The following ERP44 variants were observed in gnomAD, a reference collection of about 807,000 sequenced individuals.
ERP44 encodes the protein endoplasmic reticulum protein 44.
ERP44 carries 25 observed loss-of-function variants against 53.4 expected under a neutral mutation model. The observed-to-expected ratio is 0.47, with a 90% confidence interval of 0.34 to 0.65. The LOEUF (loss-of-function observed/expected upper bound fraction) is 0.65, where lower values mean the gene tolerates loss of function less well. Ranked by LOEUF, ERP44 falls within the 30% of genes least tolerant of loss-of-function variation. The pLI is 0.01. For missense variants in ERP44, 338 were observed against 493.2 expected, an observed-to-expected ratio of 0.69 and a Z score of 2.98; for synonymous variants, 145 against 161.2, an observed-to-expected ratio of 0.90 and a Z score of 0.76.
At chr9:100,063,762 T>C (rs1416753177) in intron 1 of ERP44, among the ~76,000 whole-genome samples, 6 of 152,242 alleles carry the variant, frequency 3.9e-5, no homozygotes, top group Non-Finnish European at 7.3e-5. Context: ...GGAAGTATTT[T>C]ACAACTTGGT....
Position 99,999,196 on chromosome 9 carries a change from C to T in ERP44, c.1016+7310G>A, listed in dbSNP as rs1265927768. 7 of 481,814 alleles carry T rather than the reference C, an allele frequency of 1.5e-5. No homozygotes were observed. The Admixed American group carries it at 2.2e-4, about 15-fold the overall frequency. The allele number at this position is 481,814 out of a possible 1,614,324, so 29.8% of individuals were successfully genotyped here. A position where few individuals can be genotyped will look rare whatever the true frequency, so the allele number is the denominator to read the frequency against. ...TGTCCCCCGCCCCTCCCCCTCCGCT[C>T]AAGGCCGTCCTCTCGATGTTGATCA... is the stretch of plus-strand genomic sequence containing the variant. On this transcript the variant is annotated intron_variant, in intron 10 of 11. Transcript: ENST00000262455.
intron 1 of ERP44, among the ~76,000 whole-genome samples, chr9:100,089,831 AG>A (rs1268367232): frequency 1.3e-5 from 2 of 152,164 alleles, no homozygotes; most frequent in Non-Finnish European, 2.9e-5. Context: ...TGTATGTATA[AG>A]AAAAAACATA....
chr9:100,002,610 C>A (rs1374971728), intron 10 of ERP44, among the ~76,000 whole-genome samples: 1 of 152,184 alleles, frequency 6.6e-6, no homozygotes, highest in East Asian at 1.9e-4. Flanking sequence ...TATAAGGATT[C>A]TGATGAGAAA....
chr9:99,984,413 TA>T (rs200813688), intron 11 of ERP44, among the ~76,000 whole-genome samples: 30 of 150,678 alleles, frequency 2.0e-4, no homozygotes, highest in African/African-American at 5.1e-4. Context: ...AATTCTCAGG[TA>T]AAAAAAAACA....
intron 10 of ERP44, among the ~76,000 whole-genome samples, chr9:100,003,786 G>A (rs1414733269): frequency 6.6e-6 from 1 of 151,488 alleles, no homozygotes; most frequent in African/African-American, 2.4e-5. Context: ...GGTCCACTGG[G>A]ATAGGCTGAG....
At chr9:100,064,164 T>G (rs1417619658) in intron 1 of ERP44, among the ~76,000 whole-genome samples, 3 of 152,232 alleles carry the variant, frequency 2.0e-5, no homozygotes, top group Non-Finnish European at 4.4e-5. Flanking sequence ...CTTAAATTAG[T>G]TATTTGCACT....
chr9:100,017,695 A>C (rs1287191135), intron 7 of ERP44, among the ~76,000 whole-genome samples: 2 of 152,220 alleles, frequency 1.3e-5, no homozygotes, highest in Non-Finnish European at 2.9e-5. Context: ...AAAAAATTGC[A>C]ATGGCAGACG....
Position 100,052,462 on chromosome 9 carries a change from T to C in ERP44, c.241A>G (p.Asn81Asp). 6.2e-7 allele frequency: 1 copy of C among 1,612,692 alleles called. No homozygotes were observed. Among genetic ancestry groups the C allele is most frequent in the Non-Finnish European group, 8.5e-7 (1 of 1,179,376 alleles). ...CTGGCAAACACTACTTGATTTTCAT[T>C]TGGAAATTCTTCCTTAATGACATCG... ...ASDVIKEEFP[N>D]ENQVVFARVD... is the part of the protein sequence containing the mutation. Residue 81 changes from asparagine (N) to aspartate (D), a missense_variant, in exon 4 of 12, where the codon AAT becomes GAT. Asn to Asp is a conservative substitution (Grantham distance 23, BLOSUM62 1). Around this residue, in one of 3 missense-constraint regions of ERP44, gnomAD observed 224 missense variants for 301.4 expected, o/e 0.74. Coordinates refer to ENST00000262455, the MANE Select transcript of ERP44 (RefSeq NM_015051.3).
At chr9:99,986,569 G>A (rs530839206) in intron 10 of ERP44, among the ~76,000 whole-genome samples, 1 of 152,114 alleles carries the variant, frequency 6.6e-6, no homozygotes, top group South Asian at 2.1e-4. Flanking sequence ...TAGCTGGCTT[G>A]TAGTTAATAT....
At position 100,052,431 on chromosome 9, in the gene ERP44, T is replaced by C; in HGVS notation, c.272A>G (p.Asp91Gly). ...NENQVVFARV[D>G]CDQHSDIAQR... ...GAGGTACTTACAGTGCTGATCACAATCAACTCTGGCAAACACTACTTGATT... is the reference window on the plus strand; with the variant it reads ...GAGGTACTTACAGTGCTGATCACAACCAACTCTGGCAAACACTACTTGATT... The change falls in exon 4 of 12, where the codon GAT becomes GGT. Residue 91 changes from aspartate to glycine, a missense_variant. Asp to Gly is a moderately conservative substitution (Grantham distance 94, BLOSUM62 -1). Transcript: ENST00000262455. 1 of 1,609,100 alleles carries C rather than the reference T, an allele frequency of 6.2e-7. No homozygotes were observed.
In ERP44 at chr9:100,007,509, G is replaced by A. The variant is rs1830434004; in HGVS notation, c.874+69C>T. 3 of 796,530 alleles carry A rather than the reference G, an allele frequency of 3.8e-6. No homozygotes were observed. In the Admixed American group the frequency reaches 5.7e-5, roughly 15 times the overall value. The allele number at this position is 796,530 out of a possible 1,614,324, so 49.3% of individuals were successfully genotyped here. On this transcript the variant is annotated intron_variant, in intron 9 of 11. Transcript: ENST00000262455. ...ATGTGATTTGACAGAAATGGGAGAG[G>A]AGATGATGAAAGGGAAAAAAAGAAA... is the stretch of plus-strand genomic sequence containing the variant.
intron 10 of ERP44, among the ~76,000 whole-genome samples, chr9:99,990,879 A>G (rs1395109402): frequency 1.3e-5 from 2 of 152,230 alleles, no homozygotes; most frequent in African/African-American, 2.4e-5. Context: ...ATCTCTGACA[A>G]AACAGACTTT....
At chr9:100,078,455 CAAAA>C (rs61442605) in intron 1 of ERP44, among the ~76,000 whole-genome samples, 1 of 114,720 alleles carries the variant, frequency 8.7e-6, no homozygotes, top group Non-Finnish European at 1.8e-5. Context: ...AAGACTCTAT[CAAAA>C]AAAAAAAAAA....
intron 4 of ERP44, among the ~76,000 whole-genome samples, chr9:100,044,298 A>G (rs1434099654): frequency 1.3e-5 from 2 of 152,174 alleles, no homozygotes; most frequent in African/African-American, 4.8e-5. Flanking sequence ...AGAAAGGTAA[A>G]AACATAAGGT....
chr9:100,021,603 C>G (rs768028683), intron 5 of ERP44, among the ~76,000 whole-genome samples: 1 of 152,102 alleles, frequency 6.6e-6, no homozygotes, highest in Non-Finnish European at 1.5e-5. Context: ...TAAAACACTA[C>G]CTAGTGTACA....
rs555058461 is a variant in ERP44, at chr9:100,056,503, G to GA, written c.170+1316dup. 3.3e-5 allele frequency among the ~76,000 whole-genome samples: 5 copies of GA among 152,302 alleles called. No individual in the cohort carries two copies. The South Asian group carries it at 1.0e-3, about 32-fold the overall frequency. On this transcript the variant is annotated intron_variant, in intron 3 of 11. Coordinates refer to ENST00000262455, the MANE Select transcript of ERP44 (RefSeq NM_015051.3). ...TTCTCACAGAGCAAACAATGTAGTA[G>GA]AGAGTCACCAACTAGGATTATAGCC... is the stretch of plus-strand genomic sequence containing the variant.
At chr9:100,045,989 T>TATA (rs1825962991) in intron 4 of ERP44, among the ~76,000 whole-genome samples, 3 of 152,196 alleles carry the variant, frequency 2.0e-5, no homozygotes, top group African/African-American at 7.2e-5. Flanking sequence ...TTATAAAACT[T>TATA]ATTGGAGCTA....
At chr9:100,073,815 CCA>C (rs1826328920) in intron 1 of ERP44, among the ~76,000 whole-genome samples, 1 of 152,146 alleles carries the variant, frequency 6.6e-6, no homozygotes, top group Non-Finnish European at 1.5e-5. Context: ...TGACCATGAT[CCA>C]CAGCAAGAAA....
intron 10 of ERP44, among the ~76,000 whole-genome samples, chr9:99,992,859 C>T (rs1289561156): frequency 1.3e-5 from 2 of 152,166 alleles, no homozygotes; most frequent in African/African-American, 4.8e-5. Context: ...CACAAGCATT[C>T]TTATACACCA....
Sources: gnomAD v4.1 joint callset for allele counts (sites outside exome capture counted in the v4.1 genomes callset) on GRCh38, gnomAD v4.1.1 for gene constraint, gnomAD v4.1.1 regional missense constraint, MANE v1.5 for transcripts, NCBI Gene and HGNC (gene_info 2026-07-23, HGNC 2026-07-21) for gene names.